The following METTL24 variants were observed in gnomAD, a reference collection of about 807,000 sequenced individuals.
The protein encoded by METTL24 is probable methyltransferase-like protein 24.
METTL24 carries 29 observed loss-of-function variants against 32.7 expected under a neutral mutation model. That is an observed-to-expected ratio of 0.89 (90% CI 0.66 to 1.21). METTL24 has a LOEUF of 1.21. Ranked by LOEUF, METTL24 falls within the 50% of genes most tolerant of loss-of-function variation. The pLI, the probability that METTL24 is intolerant of heterozygous loss-of-function variation, is 0.00. For missense variants in METTL24, 439 were observed against 468.1 expected (o/e 0.94, Z 0.57); for synonymous variants, 163 against 179.5 (o/e 0.91, Z 0.73).
At chr6:110,263,824 A>G (rs927004384) in intron 4 of METTL24, among the ~76,000 whole-genome samples, 2 of 152,234 alleles carry the variant, frequency 1.3e-5, no homozygotes, top group Admixed American at 6.5e-5. Context: ...CCACATATCT[A>G]CAACTATCTG....
intron 4 of METTL24, among the ~76,000 whole-genome samples, chr6:110,255,134 A>G (rs17071350): frequency 0.071 from 10,876 of 152,240 alleles, 573 homozygotes; most frequent in African/African-American, 0.16. Context: ...ACTCTAAGCT[A>G]ATGTAGGACC....
chr6:110,322,077 C>T (rs1483495879), intron 2 of METTL24, among the ~76,000 whole-genome samples: 3 of 152,172 alleles, frequency 2.0e-5, no homozygotes, highest in African/African-American at 7.2e-5. Context: ...GTCTCTCTTT[C>T]CCCCTGGGAT....
At chr6:110,249,552 C>T (rs149216804) in intron 4 of METTL24, among the ~76,000 whole-genome samples, 4,493 of 152,098 alleles carry the variant, frequency 0.03, 257 homozygotes, top group African/African-American at 0.1. Flanking sequence ...CATTTTAAAA[C>T]GTCCCATTAC....
chr6:110,255,440 G>A lies in METTL24; in HGVS notation c.787-9180C>T, dbSNP rs114330324. 4.9e-3 allele frequency among the ~76,000 whole-genome samples: 748 copies of A among 152,106 alleles called. 9 individuals are homozygous for A. The highest frequency in any genetic ancestry group is 0.017 in the African/African-American group (726 of 41,490). On this transcript the variant is annotated intron_variant, in intron 4 of 4. Transcript: ENST00000338882. ...CAGCCAAGATGTCAGAGGTCAGCAG[G>A]GTGATTCCTATGCAACAGCAAAGAA...
At chr6:110,314,280 C>A (rs1771776266) in intron 3 of METTL24, among the ~76,000 whole-genome samples, 1 of 152,152 alleles carries the variant, frequency 6.6e-6, no homozygotes, top group Admixed American at 6.5e-5. Flanking sequence ...ATCTACATTG[C>A]CCTTACAAAG....
At chr6:110,263,469 G>A (rs1019487750) in intron 4 of METTL24, among the ~76,000 whole-genome samples, 4 of 152,148 alleles carry the variant, frequency 2.6e-5, no homozygotes, top group African/African-American at 9.7e-5. Flanking sequence ...CGAAATAAAA[G>A]AGGATACAAA....
At chr6:110,247,629 G>A (rs1445846375) in intron 4 of METTL24, among the ~76,000 whole-genome samples, 2 of 152,204 alleles carry the variant, frequency 1.3e-5, no homozygotes. Flanking sequence ...TTGCAAAAGA[G>A]CAAAGGCTGT....
chr6:110,271,105 C>T (rs776566496), intron 4 of METTL24, among the ~76,000 whole-genome samples: 12 of 151,966 alleles, frequency 7.9e-5, no homozygotes, highest in Non-Finnish European at 1.2e-4. Flanking sequence ...GATGATCCAC[C>T]GAACTTGGCC....
intron 4 of METTL24, among the ~76,000 whole-genome samples, chr6:110,273,966 A>G (rs968758237): frequency 6.6e-6 from 1 of 152,264 alleles, no homozygotes; most frequent in Non-Finnish European, 1.5e-5. Context: ...AAATTATGGA[A>G]CCATCCTAAA....
At chr6:110,251,916 G>A (rs1183323052) in intron 4 of METTL24, among the ~76,000 whole-genome samples, 1 of 152,198 alleles carries the variant, frequency 6.6e-6, no homozygotes, top group Non-Finnish European at 1.5e-5. Flanking sequence ...GGCCAAGGCA[G>A]GTGGATCACT....
At chr6:110,325,581 T>C (rs924534054) in intron 1 of METTL24, among the ~76,000 whole-genome samples, 2 of 152,160 alleles carry the variant, frequency 1.3e-5, no homozygotes, top group Non-Finnish European at 2.9e-5. Flanking sequence ...GCTCAGAATA[T>C]GATTTCCCAA....
At chr6:110,356,523 C>T (rs751724440) in intron 1 of METTL24, among the ~76,000 whole-genome samples, 10 of 152,088 alleles carry the variant, frequency 6.6e-5, no homozygotes, top group Non-Finnish European at 1.3e-4. Flanking sequence ...ATATGTCCCC[C>T]GCCTTGAGCA....
At chr6:110,336,352 A>T (rs1215038040) in intron 1 of METTL24, among the ~76,000 whole-genome samples, 1 of 152,192 alleles carries the variant, frequency 6.6e-6, no homozygotes, top group Non-Finnish European at 1.5e-5. Flanking sequence ...AATCCACTGA[A>T]ATTTGAAATC....
In METTL24 at chr6:110,295,794, A is replaced by AAGGAAGGAAGG. The variant is rs1771403129; in HGVS notation, c.786+3127_786+3128insCCTTCCTTCCT. Reference sequence around the variant, plus strand: ...TCCCCGGGAAAGAAAAGAAAGAAAGAAAGGAAGGAAGGAAGGAAGGAAGGA... The same window carrying AAGGAAGGAAGG: ...TCCCCGGGAAAGAAAAGAAAGAAAGAAGGAAGGAAGGAAGGAAGGAAGGAAGGAAGGAAGGA... On this transcript the variant is annotated intron_variant, in intron 4 of 4. Transcript: ENST00000338882. Among the ~76,000 whole-genome samples, 132 of 136,320 alleles carry AAGGAAGGAAGG rather than the reference A, an allele frequency of 9.7e-4. 1 individual carries two copies. Among genetic ancestry groups the AAGGAAGGAAGG allele is most frequent in the African/African-American group, 3.6e-3 (121 of 33,278 alleles). The allele number at this position is 136,320 out of a possible 152,430, so 89.4% of individuals were successfully genotyped here.
rs75202453 is a variant in METTL24 at position 110,356,139 on chromosome 6, C to T, written c.318+1816G>A. ...CCAGAGGGGAATAAAAGAAGCCCCACTCTTAAGAAACATCACAGTGTTGGC... is the reference window on the plus strand; with the variant it reads ...CCAGAGGGGAATAAAAGAAGCCCCATTCTTAAGAAACATCACAGTGTTGGC... On this transcript the variant is annotated intron_variant, in intron 1 of 4. Coordinates refer to ENST00000338882, the MANE Select transcript of METTL24 (RefSeq NM_001123364.3). Among the ~76,000 whole-genome samples, 1,030 of 152,282 alleles carry T rather than the reference C, an allele frequency of 6.8e-3. 11 individuals carry two copies. The highest frequency in any genetic ancestry group is 0.023 in the African/African-American group (970 of 41,556).
chr6:110,310,868 G>A (rs576206528), intron 3 of METTL24, among the ~76,000 whole-genome samples: 85 of 152,250 alleles, frequency 5.6e-4, no homozygotes, highest in African/African-American at 1.9e-3. Context: ...CTGTGTCCTT[G>A]GAACCCTTCT....
intron 4 of METTL24, among the ~76,000 whole-genome samples, chr6:110,273,947 G>A (rs1276677518): frequency 4.6e-5 from 7 of 152,100 alleles, no homozygotes; most frequent in African/African-American, 9.7e-5. Flanking sequence ...AGCACAATTC[G>A]CAACTGTAAA....
intron 4 of METTL24, among the ~76,000 whole-genome samples, chr6:110,274,532 T>A (rs1245392460): frequency 2.0e-5 from 3 of 152,032 alleles, no homozygotes; most frequent in African/African-American, 7.2e-5. Flanking sequence ...GTATAAGGGA[T>A]AAAAGACTAT....
intron 3 of METTL24, among the ~76,000 whole-genome samples, chr6:110,311,635 G>A (rs970420030): frequency 2.6e-5 from 4 of 151,624 alleles, no homozygotes; most frequent in Admixed American, 1.3e-4. Context: ...CACCATGCCC[G>A]GCTAATTTTT....
Sources: allele counts gnomAD v4.1 joint callset (sites outside exome capture counted in the v4.1 genomes callset), GRCh38; gene constraint gnomAD v4.1.1; transcripts MANE v1.5; gene names NCBI Gene and HGNC (gene_info 2026-07-23, HGNC 2026-07-21).